Variants in DENND2A observed in about 807,000 individuals in gnomAD.
DENND2A encodes the protein DENN domain containing 2A.
In DENND2A, 53 loss-of-function variants were observed where a neutral mutation model predicts 105.3. That is an observed-to-expected ratio of 0.50 (90% CI 0.40 to 0.63). The LOEUF (loss-of-function observed/expected upper bound fraction) is 0.63. DENND2A is among the 30% of genes least tolerant of loss of function. DENND2A has a pLI of 0.00. For synonymous variants in DENND2A, 522 were observed against 508.4 expected (o/e 1.03, Z -0.36); for missense variants, 1,138 against 1,279.6 (o/e 0.89, Z 1.69).
At chr7:140,604,650 G>T (rs1799628694) in intron 2 of DENND2A, among the ~76,000 whole-genome samples, 1 of 152,198 alleles carries the variant, frequency 6.6e-6, no homozygotes, top group African/African-American at 2.4e-5. Flanking sequence ...GTGTCTGCAT[G>T]GTGATGACTG....
At chr7:140,637,254 G>A (rs994825461) in intron 1 of DENND2A, among the ~76,000 whole-genome samples, 3 of 152,138 alleles carry the variant, frequency 2.0e-5, no homozygotes, top group South Asian at 2.1e-4. Flanking sequence ...CACACCCCAA[G>A]ATTAAAAATG....
At chr7:140,578,163 G>A (rs1350466164) in intron 5 of DENND2A, among the ~76,000 whole-genome samples, 1 of 152,170 alleles carries the variant, frequency 6.6e-6, no homozygotes, top group Non-Finnish European at 1.5e-5. Context: ...ATGGTCTGAG[G>A]TCCAACCTCC....
chr7:140,548,530 A>C (rs1796994501), intron 12 of DENND2A, among the ~76,000 whole-genome samples: 1 of 152,150 alleles, frequency 6.6e-6, no homozygotes, highest in South Asian at 2.1e-4. Flanking sequence ...TCTATTTTTA[A>C]AAACTGCCAT....
chr7:140,554,980 G>A (rs539190779), intron 12 of DENND2A, among the ~76,000 whole-genome samples: 8 of 152,034 alleles, frequency 5.3e-5, no homozygotes, highest in Non-Finnish European at 8.8e-5. Flanking sequence ...CTTTTTTCAC[G>A]CCAAAGCTCA....
At chr7:140,584,385 C>T (rs1256169721) in intron 5 of DENND2A, among the ~76,000 whole-genome samples, 5 of 152,184 alleles carry the variant, frequency 3.3e-5, no homozygotes, top group Non-Finnish European at 4.4e-5. Context: ...CCACACAGCC[C>T]CAAATATTTA....
At chr7:140,556,962 C>T (rs919837311) in intron 11 of DENND2A, among the ~76,000 whole-genome samples, 12 of 151,924 alleles carry the variant, frequency 7.9e-5, no homozygotes, top group Admixed American at 2.0e-4. Context: ...CTGAAGGGGA[C>T]ATTCTTGAAT....
intron 1 of DENND2A, among the ~76,000 whole-genome samples, chr7:140,612,604 C>A (rs949317684): frequency 6.6e-6 from 1 of 151,758 alleles, no homozygotes; most frequent in Non-Finnish European, 1.5e-5. Flanking sequence ...CGGGTTCCAG[C>A]GATTCTCCTG....
At chr7:140,571,658 C>T (rs1445716774) in intron 6 of DENND2A, among the ~76,000 whole-genome samples, 3 of 151,822 alleles carry the variant, frequency 2.0e-5, no homozygotes, top group South Asian at 2.1e-4. Context: ...TGTCCATGGA[C>T]GGATAGATGG....
chr7:140,569,606 C>T (rs375408896), intron 7 of DENND2A, 39 bp downstream of exon 7: 98 of 1,395,890 alleles, frequency 7.0e-5, no homozygotes, highest in African/African-American at 1.4e-4. Flanking sequence ...ATCTCTTTTC[C>T]GATTCTTGCG....
At chr7:140,528,585 C>T (rs929190546) in intron 14 of DENND2A, among the ~76,000 whole-genome samples, 1 of 150,720 alleles carries the variant, frequency 6.6e-6, no homozygotes, top group Admixed American at 6.6e-5. Flanking sequence ...GCCTGGCTAA[C>T]ATGGTGAAAT....
chr7:140,543,753 C>G (rs1429497623), intron 14 of DENND2A: 2 of 151,766 alleles, frequency 1.3e-5, no homozygotes, highest in Admixed American at 1.3e-4. Flanking sequence ...GCCACCATGC[C>G]CAGCTAATTT....
chr7:140,610,863 G>A (rs1437855101), intron 1 of DENND2A, among the ~76,000 whole-genome samples: 1 of 152,136 alleles, frequency 6.6e-6, no homozygotes, highest in Non-Finnish European at 1.5e-5. Flanking sequence ...TTAGAATCCT[G>A]CTGGGCCTGC....
rs200792236 is a variant in DENND2A, at chr7:140,601,612, G to T, written c.786C>A (p.Phe262Leu). 1 of 1,613,796 alleles carries T rather than the reference G, an allele frequency of 6.2e-7. No homozygotes were observed. The highest frequency in any genetic ancestry group is 1.3e-5 in the African/African-American group (1 of 75,038). ...RGSEGSPTKP[F>L]INPLPKPRRT... ...TCCGGGGTTTTGGCAGAGGGTTGAT[G>T]AAGGGCTTTGTGGGGGAACCCTCCG... Residue 262 changes from phenylalanine to leucine, a missense_variant, in exon 3 of 20, where the codon TTC becomes TTA. Around this residue, in one of 2 missense-constraint regions of DENND2A, gnomAD observed 511 missense variants for 499.9 expected, o/e 1.02. Coordinates refer to ENST00000496613, the MANE Select transcript of DENND2A (RefSeq NM_015689.5).
chr7:140,599,795 G>A (rs961836254), intron 3 of DENND2A, among the ~76,000 whole-genome samples: 1 of 151,914 alleles, frequency 6.6e-6, no homozygotes, highest in African/African-American at 2.4e-5. Flanking sequence ...CAGAGAAAGT[G>A]GGGAAAAAAA....
intron 4 of DENND2A, 127 bp from the exon 5 acceptor site, chr7:140,585,837 C>A (rs940088368): frequency 1.3e-5 from 17 of 1,327,958 alleles, no homozygotes; most frequent in Non-Finnish European, 1.7e-5. Flanking sequence ...GTTTTGCCAT[C>A]CATGCGCCCC....
rs61427927 is a variant in DENND2A at position 140,547,578 on chromosome 7, C to A, written c.2038-639G>T. Among the ~76,000 whole-genome samples the A allele has an allele frequency of 1.8e-3, 267 of 152,234 alleles. 2 individuals are homozygous for A. The highest frequency in any genetic ancestry group is 0.014 in the Middle Eastern group (4 of 294). Reference sequence around the variant, plus strand: ...TACTCTGGAGAACAGTCTGGTAGTTCCTCAAAAGGTTAAACATAGAGTTAC... The same window carrying A: ...TACTCTGGAGAACAGTCTGGTAGTTACTCAAAAGGTTAAACATAGAGTTAC... On this transcript the variant is annotated intron_variant, in intron 12 of 19. Coordinates refer to ENST00000496613, the MANE Select transcript of DENND2A (RefSeq NM_015689.5).
chr7:140,591,654 C>CCTTT (rs201214317), intron 3 of DENND2A, among the ~76,000 whole-genome samples: 34 of 148,960 alleles, frequency 2.3e-4, no homozygotes, highest in Admixed American at 5.3e-4. Flanking sequence ...TCCCTTCCTT[C>CCTTT]CTTTCTTTCT....
intron 1 of DENND2A, among the ~76,000 whole-genome samples, chr7:140,631,234 G>C (rs922136938): frequency 1.3e-5 from 2 of 151,906 alleles, no homozygotes; most frequent in Admixed American, 1.3e-4. Flanking sequence ...CCAGATTTCG[G>C]GGGTGTGGGG....
intron 17 of DENND2A, among the ~76,000 whole-genome samples, chr7:140,522,618 A>AT (rs1172520711): frequency 1.4e-5 from 2 of 139,708 alleles, no homozygotes; most frequent in African/African-American, 5.4e-5. Context: ...CCAGCCTTTT[A>AT]TTTTTTTTGA....
Sources: allele counts gnomAD v4.1 joint callset (sites outside exome capture counted in the v4.1 genomes callset), GRCh38; gene constraint gnomAD v4.1.1; regional missense constraint gnomAD v4.1.1; transcripts MANE v1.5; gene names NCBI Gene and HGNC (gene_info 2026-07-23, HGNC 2026-07-21).